CAMK2D: variants seen among roughly 807,000 people sequenced by gnomAD.
CAMK2D encodes calcium/calmodulin dependent protein kinase II delta, also known as calcium/calmodulin-dependent protein kinase type II subunit delta.
Under a neutral mutation model 84.0 loss-of-function variants are expected in CAMK2D, and 37 were observed. That is an observed-to-expected ratio of 0.44 (90% CI 0.34 to 0.58). CAMK2D has a LOEUF of 0.58. CAMK2D is among the 20% of genes least tolerant of loss of function. The pLI is 0.02. For synonymous variants in CAMK2D, 202 were observed against 212.5 expected (o/e 0.95, Z 0.43); for missense variants, 448 against 652.5 (o/e 0.69, Z 3.41).
At chr4:113,472,265 T>A (rs1390813045) in intron 16 of CAMK2D, among the ~76,000 whole-genome samples, 1 of 152,182 alleles carries the variant, frequency 6.6e-6, no homozygotes, top group Non-Finnish European at 1.5e-5. Context: ...AGACAATATA[T>A]ATAAAATACT....
chr4:113,539,863 A>G (rs1298624178), intron 6 of CAMK2D, among the ~76,000 whole-genome samples: 1 of 152,212 alleles, frequency 6.6e-6, no homozygotes, highest in Admixed American at 6.5e-5. Flanking sequence ...TGTAAAAATT[A>G]GGATGATTAC....
At chr4:113,633,325 C>T (rs372004164) in intron 3 of CAMK2D, among the ~76,000 whole-genome samples, 3 of 152,208 alleles carry the variant, frequency 2.0e-5, no homozygotes, top group African/African-American at 4.8e-5. Context: ...GGAGTTACCA[C>T]AATTCCTTGG....
At chr4:113,470,031 T>TA in intron 16 of CAMK2D, among the ~76,000 whole-genome samples, 1 of 152,256 alleles carries the variant, frequency 6.6e-6, no homozygotes, top group Non-Finnish European at 1.5e-5. Flanking sequence ...TTCTTTTTTT[T>TA]AAATGCCTAT....
chr4:113,690,265 T>C (rs1426808290), intron 2 of CAMK2D, among the ~76,000 whole-genome samples: 1 of 152,176 alleles, frequency 6.6e-6, no homozygotes, highest in Non-Finnish European at 1.5e-5. Context: ...CTGAAGATGT[T>C]GGTAAAATTG....
intron 4 of CAMK2D, among the ~76,000 whole-genome samples, chr4:113,595,995 TAGG>T (rs1356571726): frequency 6.6e-6 from 1 of 152,224 alleles, no homozygotes; most frequent in African/African-American, 2.4e-5. Flanking sequence ...ATTTTACCCA[TAGG>T]AGAACTTCTT....
chr4:113,467,792 T>C (rs2097493181), intron 16 of CAMK2D, among the ~76,000 whole-genome samples: 1 of 152,192 alleles, frequency 6.6e-6, no homozygotes, highest in Non-Finnish European at 1.5e-5. Context: ...CATCTGTCTG[T>C]GCCCTCAACA....
At chr4:113,697,725 T>A (rs2099406979) in intron 2 of CAMK2D, among the ~76,000 whole-genome samples, 1 of 151,934 alleles carries the variant, frequency 6.6e-6, no homozygotes, top group African/African-American at 2.4e-5. Flanking sequence ...CTAAAAAAAA[T>A]TCCAAAGCAT....
At chr4:113,516,492 T>C (rs2098285252) in intron 9 of CAMK2D, among the ~76,000 whole-genome samples, 1 of 152,174 alleles carries the variant, frequency 6.6e-6, no homozygotes, top group African/African-American at 2.4e-5. Context: ...TTCTAGTCTG[T>C]AAAGATGGTG....
chr4:113,550,967 A>T (rs754219343), intron 5 of CAMK2D, among the ~76,000 whole-genome samples: 2 of 152,038 alleles, frequency 1.3e-5, no homozygotes, highest in African/African-American at 2.4e-5. Context: ...GAGGGCAAGG[A>T]GGGGCTGGGA....
Position 113,542,680 on chromosome 4 carries a change from C to A in CAMK2D, c.414+4964G>T, listed in dbSNP as rs191157990. Among the ~76,000 whole-genome samples, 264 of 151,484 alleles carry A rather than the reference C, an allele frequency of 1.7e-3. 2 individuals are homozygous for A. The East Asian group carries it at 0.023, about 13-fold the overall frequency. On this transcript the variant is annotated intron_variant, in intron 6 of 20. Transcript: ENST00000511664. ...CAGTGAGCTGAGATCGCGCCACTGC[C>A]CTCCAGCCTGGGCAACAGAGCGAGA...
At chr4:113,725,388 T>C (rs2099542818) in intron 2 of CAMK2D, among the ~76,000 whole-genome samples, 1 of 152,112 alleles carries the variant, frequency 6.6e-6, no homozygotes, top group African/African-American at 2.4e-5. Flanking sequence ...AACTCTAGCC[T>C]ATCGAATTTT....
intron 17 of CAMK2D, 120 bp downstream of exon 17, chr4:113,465,409 A>G: frequency 1.5e-6 from 1 of 656,492 alleles, no homozygotes; most frequent in Non-Finnish European, 2.7e-6. Context: ...AAATAAAACT[A>G]TTGTTAACAT....
At chr4:113,564,471 T>G (rs1052792763) in intron 4 of CAMK2D, among the ~76,000 whole-genome samples, 1 of 152,174 alleles carries the variant, frequency 6.6e-6, no homozygotes, top group Non-Finnish European at 1.5e-5. Context: ...ATCCACCCAC[T>G]GTGCTTTCAC....
At chr4:113,499,476 G>A (rs542851620) in intron 16 of CAMK2D, among the ~76,000 whole-genome samples, 10 of 152,176 alleles carry the variant, frequency 6.6e-5, no homozygotes, top group East Asian at 1.9e-4. Context: ...TTGACCCCAC[G>A]TCTCCTTGAC....
intron 2 of CAMK2D, chr4:113,753,637 C>T (rs1043437198): frequency 1.0e-4 from 28 of 278,602 alleles, no homozygotes; most frequent in African/African-American, 5.0e-4. Context: ...AAACAGCCTA[C>T]GTCATTTAAA....
intron 2 of CAMK2D, among the ~76,000 whole-genome samples, chr4:113,703,869 C>T (rs904106127): frequency 6.7e-6 from 1 of 149,262 alleles, no homozygotes; most frequent in East Asian, 2.0e-4. Context: ...GGTGTATTTT[C>T]TCAAAGTATA....
chr4:113,636,614 T>C (rs1156972500), intron 3 of CAMK2D, among the ~76,000 whole-genome samples: 1 of 152,126 alleles, frequency 6.6e-6, no homozygotes, highest in African/African-American at 2.4e-5. Context: ...ACAGGCAAAT[T>C]TGGTTTCAGA....
chr4:113,648,600 G>T (rs775152860), intron 3 of CAMK2D, among the ~76,000 whole-genome samples: 8 of 152,166 alleles, frequency 5.3e-5, no homozygotes, highest in Non-Finnish European at 1.0e-4. Flanking sequence ...TGGACAGAAT[G>T]GGGGGAAAAA....
chr4:113,707,344 A>G (rs1489045827), intron 2 of CAMK2D, among the ~76,000 whole-genome samples: 1 of 152,214 alleles, frequency 6.6e-6, no homozygotes, highest in Non-Finnish European at 1.5e-5. Context: ...AAAAGGATAC[A>G]AGGAGTCAGG....
Sources: allele counts gnomAD v4.1 joint callset (sites outside exome capture counted in the v4.1 genomes callset), GRCh38; gene constraint gnomAD v4.1.1; transcripts MANE v1.5; gene names NCBI Gene and HGNC (gene_info 2026-07-23, HGNC 2026-07-21).